Variants in TNRC6A observed in about 807,000 individuals in gnomAD.
TNRC6A encodes trinucleotide repeat containing adaptor 6A.
Under a neutral mutation model 221.2 loss-of-function variants are expected in TNRC6A, and 44 were observed. That is an observed-to-expected ratio of 0.20 (90% CI 0.16 to 0.26). The LOEUF is 0.26. TNRC6A is among the 10% of genes least tolerant of loss of function. TNRC6A has a pLI of 1.00. For missense variants in TNRC6A, 2,199 were observed against 2,404.4 expected, an observed-to-expected ratio of 0.91 and a Z score of 1.79; for synonymous variants, 847 against 838.5, an observed-to-expected ratio of 1.01 and a Z score of -0.18.
At position 24,794,618 on chromosome 16, in the gene TNRC6A, G is replaced by A; in HGVS notation, c.3427G>A (p.Glu1143Lys). The A allele has an allele frequency of 6.2e-7, 1 of 1,614,136 alleles. No individual in the cohort carries two copies. Among genetic ancestry groups the A allele is most frequent in the Non-Finnish European group, 8.5e-7 (1 of 1,179,964 alleles). The change falls in exon 8 of 25, where the codon GAG becomes AAG. Residue 1143 changes from glutamate to lysine, a missense_variant. Physicochemically the swap from Glu to Lys is moderately conservative, Grantham distance 56 (BLOSUM62 1). Around this residue, in one of 8 missense-constraint regions of TNRC6A, gnomAD observed 1,405 missense variants for 1,400.2 expected, o/e 1.00. Coordinates refer to ENST00000395799, the MANE Select transcript of TNRC6A (RefSeq NM_014494.4). ...LPGNRPTGWE[E>K]EEDVEIGMWN... ...TGGAAATCGCCCCACTGGCTGGGAA[G>A]AGGAAGAGGATGTGGAGATTGGAAT...
rs1485246560 is a variant in TNRC6A at position 24,816,944 on chromosome 16, G to A, written c.4960G>A (p.Asp1654Asn). ...NTVREVDHLR[D>N]RNSGSSSSLN... is the part of the protein sequence containing the mutation. Reference sequence around the variant, plus strand: ...TGTGCGGGAAGTTGACCACCTCAGGGACAGGAACAGTGGTACGTAGGGGGT... The same window carrying A: ...TGTGCGGGAAGTTGACCACCTCAGGAACAGGAACAGTGGTACGTAGGGGGT... The change falls in exon 20 of 25, where the codon GAC (aspartate) becomes AAC (asparagine). Residue 1654 changes from aspartate to asparagine, a missense_variant. Coordinates refer to ENST00000395799, the MANE Select transcript of TNRC6A (RefSeq NM_014494.4). The A allele has an allele frequency of 6.2e-7, 1 of 1,613,436 alleles. No homozygotes were observed. Among genetic ancestry groups the A allele is most frequent in the Non-Finnish European group, 8.5e-7 (1 of 1,179,878 alleles).
At chr16:24,730,493 C>CT (rs200109975) in intron 2 of TNRC6A, among the ~76,000 whole-genome samples, 193 bp downstream of exon 2, 9 of 130,928 alleles carry the variant, frequency 6.9e-5, no homozygotes, top group African/African-American at 2.0e-4. Context: ...GTGTTTCTTT[C>CT]TTTAAAAAAA....
chr16:24,810,796 C>A (rs929804273), intron 18 of TNRC6A, among the ~76,000 whole-genome samples: 1 of 152,048 alleles, frequency 6.6e-6, no homozygotes, highest in Admixed American at 6.6e-5. Flanking sequence ...TGCCTAGAGG[C>A]AGTTAAGACT....
At chr16:24,812,825 T>C (rs2058574221) in intron 18 of TNRC6A, among the ~76,000 whole-genome samples, 1 of 151,896 alleles carries the variant, frequency 6.6e-6, no homozygotes, top group Non-Finnish European at 1.5e-5. Context: ...ACTTAACCTT[T>C]CTGAACTTGA....
In TNRC6A at chr16:24,711,716, G is replaced by T. The variant is rs534561944; in HGVS notation, n.403-39010G>T. ...ATTATATGGACCTTTCATTTTATGT[G>T]ACTTAGCTGACTTTAAACTTACATT... On this transcript the variant is annotated intron_variant and non_coding_transcript_variant, in intron 2 of 2. Coordinates refer to the TNRC6A transcript ENST00000566108. Among the ~76,000 whole-genome samples the T allele has an allele frequency of 3.5e-4, 53 of 152,034 alleles. 1 individual carries two copies. In the South Asian group the frequency reaches 0.011, roughly 32 times the overall value.
At chr16:24,793,446 T>C (rs748824475) in intron 6 of TNRC6A, 27 bp from the exon 7 acceptor site, 2 of 1,376,838 alleles carry the variant, frequency 1.5e-6, no homozygotes, top group Non-Finnish European at 1.9e-6. Flanking sequence ...TCTATGCTGA[T>C]GACTTCTTTT....
At chr16:24,787,244 G>T (rs781094499) in intron 5 of TNRC6A, among the ~76,000 whole-genome samples, 2 of 152,198 alleles carry the variant, frequency 1.3e-5, no homozygotes, top group Non-Finnish European at 2.9e-5. Flanking sequence ...TGGTTTTGCA[G>T]ATTTGGTCAT....
At chr16:24,735,581 ATAAAT>A (rs2056746839) in intron 2 of TNRC6A, among the ~76,000 whole-genome samples, 1 of 152,178 alleles carries the variant, frequency 6.6e-6, no homozygotes, top group African/African-American at 2.4e-5. Context: ...ACTTGATAGG[ATAAAT>A]TAATCACAAT....
intron 2 of TNRC6A, among the ~76,000 whole-genome samples, chr16:24,735,384 G>GA (rs934714787): frequency 6.6e-6 from 1 of 151,864 alleles, no homozygotes; most frequent in African/African-American, 2.4e-5. Context: ...ACCTTTGTCT[G>GA]AAAAAAAAGA....
Position 24,669,941 on chromosome 16 carries a change from C to CTTTTTTTTTTTTTTTTTTTTTTTT in TNRC6A, n.402+28936_402+28959dup, listed in dbSNP as rs535737725. Among the ~76,000 whole-genome samples, 54 of 27,186 alleles carry CTTTTTTTTTTTTTTTTTTTTTTTT rather than the reference C, an allele frequency of 2.0e-3. 21 individuals carry two copies. The highest frequency in any genetic ancestry group is 0.01 in the South Asian group (4 of 384). The allele number at this position is 27,186 out of a possible 152,430, so 17.8% of individuals were successfully genotyped here. A position where few individuals can be genotyped will look rare whatever the true frequency, so the allele number is the denominator to read the frequency against. On this transcript the variant is annotated intron_variant and non_coding_transcript_variant, in intron 2 of 2. Coordinates refer to the TNRC6A transcript ENST00000566108. Reference sequence around the variant, plus strand: ...TCGTTATGACCCTATGAGGCAGCTACTTTTTTTTTTTTTTTTTTTTTTTTT... The same window carrying CTTTTTTTTTTTTTTTTTTTTTTTT: ...TCGTTATGACCCTATGAGGCAGCTACTTTTTTTTTTTTTTTTTTTTTTTTTTTTTTTTTTTTTTTTTTTTTTTTT...
intron 1 of TNRC6A, among the ~76,000 whole-genome samples, chr16:24,619,777 G>GGT (rs1265091230): frequency 6.6e-6 from 1 of 152,048 alleles, no homozygotes; most frequent in Admixed American, 6.6e-5. Context: ...AGTTGTACAG[G>GGT]GTGTGTGTGT....
intron 4 of TNRC6A, 146 bp downstream of exon 4, chr16:24,758,506 C>T (rs770855104): frequency 9.9e-6 from 8 of 804,790 alleles, no homozygotes; most frequent in African/African-American, 3.5e-5. Context: ...ACCCTGGGGT[C>T]GTCCTTTGGA....
intron 2 of TNRC6A, among the ~76,000 whole-genome samples, chr16:24,744,127 G>T (rs145008733): frequency 1.3e-5 from 2 of 152,124 alleles, no homozygotes; most frequent in Non-Finnish European, 2.9e-5. Flanking sequence ...GTATTTGTCC[G>T]TTATTTCCTT....
At chr16:24,768,724 A>G (rs1037747467) in intron 4 of TNRC6A, among the ~76,000 whole-genome samples, 3 of 152,214 alleles carry the variant, frequency 2.0e-5, no homozygotes, top group Admixed American at 1.3e-4. Context: ...TTAGCACTCC[A>G]GTCTCTTAAA....
In TNRC6A at chr16:24,729,704, G is replaced by GGCGGCGGCGGCGGCA. The variant is rs1555495693; in HGVS notation, c.-133_-119dup. 7 of 1,038,412 alleles carry GGCGGCGGCGGCGGCA rather than the reference G, an allele frequency of 6.7e-6. No homozygotes were observed. Among genetic ancestry groups the GGCGGCGGCGGCGGCA allele is most frequent in the Non-Finnish European group, 6.3e-6 (5 of 799,274 alleles). The allele number at this position is 1,038,412 out of a possible 1,614,324, so 64.3% of individuals were successfully genotyped here. On this transcript the variant is annotated 5_prime_UTR_variant, in exon 1 of 25. Transcript: ENST00000395799. ...CGGTGTCGGCGGCGGCGGCGGCGGCGGCGGCGGCGGCGGCAGCGGGTCGGT... is the reference window on the plus strand; with the variant it reads ...CGGTGTCGGCGGCGGCGGCGGCGGCGGCGGCGGCGGCGGCAGCGGCGGCGGCGGCAGCGGGTCGGT...
intron 2 of TNRC6A, among the ~76,000 whole-genome samples, chr16:24,720,723 A>G (rs545392542): frequency 6.7e-6 from 1 of 149,860 alleles, no homozygotes; most frequent in East Asian, 2.0e-4. Context: ...AAAGAAAAAA[A>G]AAAAAGAAAA....
In TNRC6A at chr16:24,656,893, C is replaced by T. The variant is rs143038924; in HGVS notation, n.402+15884C>T. 8.6e-3 allele frequency among the ~76,000 whole-genome samples: 1,305 copies of T among 152,066 alleles called. 25 individuals carry two copies. Among genetic ancestry groups the T allele is most frequent in the Non-Finnish European group, 9.9e-3 (674 of 67,954 alleles). On this transcript the variant is annotated intron_variant and non_coding_transcript_variant, in intron 2 of 2. Coordinates refer to the TNRC6A transcript ENST00000566108. ...CACATAAAAGAAGTATGAAAAAGAA[C>T]AAAATGACCCAAAGTAGCAGGTAGA... is the stretch of plus-strand genomic sequence containing the variant.
chr16:24,741,786 C>T (rs992958656), intron 2 of TNRC6A, among the ~76,000 whole-genome samples: 3 of 151,474 alleles, frequency 2.0e-5, no homozygotes, highest in Non-Finnish European at 3.0e-5. Flanking sequence ...TAGTGCAGTG[C>T]TTTGTGCCTA....
intron 1 of TNRC6A, among the ~76,000 whole-genome samples, chr16:24,632,424 G>A (rs1287016411): frequency 6.6e-6 from 1 of 151,800 alleles, no homozygotes; most frequent in Non-Finnish European, 1.5e-5. Flanking sequence ...CCTTATTGTC[G>A]CCACACCCCA....
Sources: gnomAD v4.1 joint callset for allele counts (sites outside exome capture counted in the v4.1 genomes callset) on GRCh38, gnomAD v4.1.1 for gene constraint, gnomAD v4.1.1 regional missense constraint, MANE v1.5 for transcripts, NCBI Gene and HGNC (gene_info 2026-07-23, HGNC 2026-07-21) for gene names.